FNDC1: variants seen among roughly 807,000 people sequenced by gnomAD.
FNDC1 encodes fibronectin type III domain containing 1.
A neutral mutation model predicts 168.0 loss-of-function variants in FNDC1; 96 were observed. The observed-to-expected ratio is 0.57, with a 90% CI of 0.48 to 0.68. FNDC1 has a LOEUF of 0.68. Among genes scored for constraint, FNDC1 ranks in the 30% least tolerant of loss-of-function variants. FNDC1 has a pLI of 0.00. For synonymous variants in FNDC1, 1,099 were observed against 1,025.9 expected, an observed-to-expected ratio of 1.07 and a Z score of -1.36; for missense variants, 2,587 against 2,482.1, an observed-to-expected ratio of 1.04 and a Z score of -0.90.
intron 1 of FNDC1, among the ~76,000 whole-genome samples, chr6:159,189,095 C>T (rs765398971): frequency 1.1e-4 from 17 of 152,092 alleles, no homozygotes; most frequent in South Asian, 4.1e-4. Context: ...ATGTTCTAGC[C>T]CATCGGGGTC....
At position 159,266,164 on chromosome 6, in the gene FNDC1, C is replaced by A. The variant is rs760021818; in HGVS notation, c.5365C>A (p.Arg1789Ser). Residue 1789 changes from arginine (R) to serine (S), a missense_variant, in exon 21 of 23, where the codon CGC becomes AGC. Physicochemically the swap from Arg to Ser is moderately radical, Grantham distance 110. Coordinates refer to ENST00000297267, the MANE Select transcript of FNDC1 (RefSeq NM_032532.3). ...CTGCCATGGACGGCAATATGTGAAG[C>A]GCACGTGGTATCGAAAGTTCGTGGG... is the stretch of plus-strand genomic sequence containing the variant. ...TDCHGRQYVKRTWYRKFVGVV... is the reference protein window; with the variant it reads ...TDCHGRQYVKSTWYRKFVGVV... 3 of 1,613,830 alleles carry A rather than the reference C, an allele frequency of 1.9e-6. No individual in the cohort carries two copies. The African/African-American group carries it at 4.0e-5, about 22-fold the overall frequency.
At chr6:159,230,958 T>TTG (rs1224190131) in intron 10 of FNDC1, among the ~76,000 whole-genome samples, 1 of 152,066 alleles carries the variant, frequency 6.6e-6, no homozygotes, top group Non-Finnish European at 1.5e-5. Context: ...CCAGGAGTTT[T>TTG]TTTTATTTTA....
chr6:159,193,610 G>A (rs759147591), intron 1 of FNDC1, among the ~76,000 whole-genome samples: 18 of 152,156 alleles, frequency 1.2e-4, no homozygotes, highest in Non-Finnish European at 2.6e-4. Context: ...CTTAGTTCTG[G>A]GCTCAGCATG....
chr6:159,240,962 G>A (rs1490585865), intron 14 of FNDC1: 2 of 152,216 alleles, frequency 1.3e-5, no homozygotes, highest in African/African-American at 4.8e-5. Flanking sequence ...TATTGACTAT[G>A]ATAAGCCCAA....
At chr6:159,238,050 A>G (rs1367551559) in intron 12 of FNDC1, among the ~76,000 whole-genome samples, 1 of 151,762 alleles carries the variant, frequency 6.6e-6, no homozygotes, top group Non-Finnish European at 1.5e-5. Context: ...AACAATTTAC[A>G]TGTTATATGG....
intron 5 of FNDC1, among the ~76,000 whole-genome samples, chr6:159,220,776 C>A (rs892698442): frequency 3.3e-5 from 5 of 152,194 alleles, no homozygotes; most frequent in African/African-American, 1.2e-4. Flanking sequence ...CGTGCAGACT[C>A]AAGACCCTGC....
intron 1 of FNDC1, among the ~76,000 whole-genome samples, chr6:159,182,690 G>T (rs294880): frequency 4.6e-5 from 7 of 151,964 alleles, no homozygotes; most frequent in East Asian, 1.9e-4. Flanking sequence ...TATTCCCAGG[G>T]GAGTGGCTTT....
In FNDC1 at chr6:159,251,347, C is replaced by T; in HGVS notation, c.4880C>T (p.Ser1627Phe). 1 of 1,614,006 alleles carries T rather than the reference C, an allele frequency of 6.2e-7. No homozygotes were observed. The highest frequency in any genetic ancestry group is 8.5e-7 in the Non-Finnish European group (1 of 1,179,880). Reference protein sequence around the residue: ...YLNKDPSAPCSLTDALDHFQV... With the variant: ...YLNKDPSAPCFLTDALDHFQV... ...AATAAAGACCCATCAGCCCCGTGCT[C>T]TCTGACTGATGCACTGGATCACTTC... is the stretch of plus-strand genomic sequence containing the variant. Residue 1627 changes from serine to phenylalanine, a missense_variant, in exon 17 of 23, where the codon TCT (serine) becomes TTT (phenylalanine). Transcript: ENST00000297267.
intron 1 of FNDC1, among the ~76,000 whole-genome samples, chr6:159,180,744 G>C (rs1266097667): frequency 6.6e-6 from 1 of 152,022 alleles, no homozygotes; most frequent in Non-Finnish European, 1.5e-5. Flanking sequence ...TTGGTTTTCT[G>C]TTCCTGTATT....
At chr6:159,206,666 C>G (rs1266947892) in intron 4 of FNDC1, among the ~76,000 whole-genome samples, 1 of 152,200 alleles carries the variant, frequency 6.6e-6, no homozygotes, top group Admixed American at 6.5e-5. Flanking sequence ...TCTGGGCAAG[C>G]CCGTTTGTTG....
intron 5 of FNDC1, 69 bp downstream of exon 5, chr6:159,215,220 C>T: frequency 1.5e-6 from 2 of 1,366,162 alleles, no homozygotes; most frequent in Admixed American, 1.7e-5. Flanking sequence ...TTTAGAAGCT[C>T]ATTCATGACA....
At chr6:159,254,741 G>C (rs1472541081) in intron 17 of FNDC1, among the ~76,000 whole-genome samples, 1 of 146,768 alleles carries the variant, frequency 6.8e-6, no homozygotes, top group East Asian at 2.0e-4. Context: ...TCAGACTCAT[G>C]ATCCTTCCCA....
chr6:159,266,744 T>G (rs1032520699), intron 21 of FNDC1, among the ~76,000 whole-genome samples: 22 of 151,250 alleles, frequency 1.5e-4, no homozygotes, highest in African/African-American at 4.9e-4. Flanking sequence ...CTGGAATAAT[T>G]GAGGAAAAGT....
In FNDC1 at chr6:159,226,598, T is replaced by G. The variant is rs1431045014; in HGVS notation, c.1180+18T>G. 1 of 1,563,052 alleles carries G rather than the reference T, an allele frequency of 6.4e-7. No individual in the cohort carries two copies. The highest frequency in any genetic ancestry group is 1.8e-5 in the Admixed American group (1 of 55,522). On this transcript the variant is annotated intron_variant, in intron 9 of 22. Transcript: ENST00000297267. ...AGTGAAAGGTAGGAATCTCACTCCCTAAACTGTAAGATGCATTGATTCTGA... is the reference window on the plus strand; with the variant it reads ...AGTGAAAGGTAGGAATCTCACTCCCGAAACTGTAAGATGCATTGATTCTGA...
At chr6:159,258,034 C>T (rs912596429) in intron 18 of FNDC1, among the ~76,000 whole-genome samples, 8 of 151,978 alleles carry the variant, frequency 5.3e-5, no homozygotes, top group African/African-American at 1.9e-4. Context: ...TGAATCACAG[C>T]CTCCTGACTC....
At chr6:159,259,360 G>T (rs888270362) in intron 18 of FNDC1, among the ~76,000 whole-genome samples, 1 of 152,134 alleles carries the variant, frequency 6.6e-6, no homozygotes, top group African/African-American at 2.4e-5. Flanking sequence ...AGTTTCTGGA[G>T]GCCTAGAATC....
In FNDC1 at chr6:159,232,328, A is replaced by C. The variant is rs770745264; in HGVS notation, c.1816A>C (p.Thr606Pro). ...GVDKPGFSLA[T>P]QPRPGAPPSA... ...AGATAAGCCTGGCTTTTCCCTGGCC[A>C]CGCAGCCCCGCCCAGGGGCGCCCCC... is the stretch of plus-strand genomic sequence containing the variant. Residue 606 changes from threonine to proline, a missense_variant, in exon 11 of 23, where the codon ACG (threonine) becomes CCG (proline). By Grantham distance (38) the Thr-to-Pro change is conservative (BLOSUM62 -1). Coordinates refer to ENST00000297267, the MANE Select transcript of FNDC1 (RefSeq NM_032532.3). The surrounding 1 kb of genome is among the most constrained non-coding windows in gnomAD (Gnocchi z 4.9). The C allele has an allele frequency of 2.5e-6, 4 of 1,613,198 alleles. No homozygotes were observed. The highest frequency in any genetic ancestry group is 1.7e-5 in the Admixed American group (1 of 59,934).
At chr6:159,191,356 A>G (rs369252505) in intron 1 of FNDC1, among the ~76,000 whole-genome samples, 12 of 152,350 alleles carry the variant, frequency 7.9e-5, no homozygotes, top group East Asian at 7.7e-4. Flanking sequence ...CAAATCTATT[A>G]TTTTAAGACT....
chr6:159,217,621 G>T (rs935035926), intron 5 of FNDC1, among the ~76,000 whole-genome samples: 17 of 152,168 alleles, frequency 1.1e-4, no homozygotes, highest in African/African-American at 4.1e-4. Flanking sequence ...TCTTGGAGGA[G>T]CTCTGCTGCC....
Sources: gnomAD v4.1 joint callset for allele counts (sites outside exome capture counted in the v4.1 genomes callset) on GRCh38, gnomAD v4.1.1 for gene constraint, Gnocchi (gnomAD v3.1) non-coding constraint, MANE v1.5 for transcripts, NCBI Gene and HGNC (gene_info 2026-07-23, HGNC 2026-07-21) for gene names.